KIAA0825: variants seen among roughly 807,000 people sequenced by gnomAD.
The protein encoded by KIAA0825 is uncharacterized protein KIAA0825.
A neutral mutation model predicts 147.6 loss-of-function variants in KIAA0825; 119 were observed. The observed-to-expected ratio is 0.81, with a 90% CI of 0.69 to 0.94. KIAA0825 has a LOEUF of 0.94. Among genes scored for constraint, KIAA0825 ranks in the 40% least tolerant of loss-of-function variants. KIAA0825 has a pLI of 0.00. For synonymous variants in KIAA0825, 470 were observed against 518.1 expected, an observed-to-expected ratio of 0.91 and a Z score of 1.26; for missense variants, 1,381 against 1,472.7, an observed-to-expected ratio of 0.94 and a Z score of 1.02.
intron 1 of KIAA0825, among the ~76,000 whole-genome samples, chr5:94,595,745 C>A (rs1021115364): frequency 6.6e-6 from 1 of 152,132 alleles, no homozygotes; most frequent in African/African-American, 2.4e-5. Context: ...AATTCCAAAC[C>A]ATCTTTCTGT....
At position 94,474,712 on chromosome 5, in the gene KIAA0825, G is replaced by A. The variant is rs951241257; in HGVS notation, c.1228-1193C>T. Among the ~76,000 whole-genome samples, 6 of 151,866 alleles carry A rather than the reference G, an allele frequency of 4.0e-5. No individual in the cohort carries two copies. The South Asian group carries it at 8.3e-4, about 21-fold the overall frequency. ...GAAACATGGCTCTTGCTCTCATTAC[G>A]CTCATAACTAAATTTTAACGGAACT... On this transcript the variant is annotated intron_variant, in intron 7 of 20. Transcript: ENST00000682413.
chr5:94,293,620 A>G (rs1450473287), intron 20 of KIAA0825, among the ~76,000 whole-genome samples: 2 of 152,162 alleles, frequency 1.3e-5, no homozygotes, highest in African/African-American at 2.4e-5. Flanking sequence ...GTAGATGTCT[A>G]TTAGGTCTGC....
chr5:94,466,582 C>T (rs1760535268), intron 10 of KIAA0825, among the ~76,000 whole-genome samples: 1 of 151,486 alleles, frequency 6.6e-6, no homozygotes, highest in African/African-American at 2.4e-5. Flanking sequence ...ACTAAAAATA[C>T]AAAAATTAGC....
chr5:94,265,624 C>A (rs554981587), intron 20 of KIAA0825, among the ~76,000 whole-genome samples: 1 of 152,200 alleles, frequency 6.6e-6, no homozygotes, highest in East Asian at 1.9e-4. Context: ...CATGGTGAAA[C>A]CCTGTCTCTA....
chr5:94,435,662 G>A (rs1451726355), intron 14 of KIAA0825, among the ~76,000 whole-genome samples: 1 of 152,080 alleles, frequency 6.6e-6, no homozygotes, highest in Non-Finnish European at 1.5e-5. Flanking sequence ...TGGGTCAAAT[G>A]GTATTTCTGT....
intron 20 of KIAA0825, among the ~76,000 whole-genome samples, chr5:94,350,847 A>G (rs1329250078): frequency 6.6e-6 from 1 of 151,712 alleles, no homozygotes; most frequent in East Asian, 1.9e-4. Flanking sequence ...AGTAGAAAGC[A>G]TTCCCTCTGA....
intron 3 of KIAA0825, among the ~76,000 whole-genome samples, chr5:94,536,558 A>C (rs1212811548): frequency 6.6e-6 from 1 of 152,250 alleles, no homozygotes; most frequent in African/African-American, 2.4e-5. Context: ...CTAATCTAGC[A>C]TAACAACTCT....
At chr5:94,500,326 A>G (rs2151112756) in intron 5 of KIAA0825, among the ~76,000 whole-genome samples, 1 of 152,376 alleles carries the variant, frequency 6.6e-6, no homozygotes, top group Non-Finnish European at 1.5e-5. Flanking sequence ...GTATTTTAAC[A>G]TTAAGTCCAA....
At chr5:94,403,867 G>T in intron 15 of KIAA0825, 74 bp from the exon 16 acceptor site, 1 of 1,255,838 alleles carries the variant, frequency 8.0e-7, no homozygotes, top group Non-Finnish European at 1.1e-6. Flanking sequence ...CTAGAATTCA[G>T]TTTTGTAATC....
intron 6 of KIAA0825, among the ~76,000 whole-genome samples, chr5:94,478,829 G>A (rs1373521400): frequency 2.0e-5 from 3 of 152,048 alleles, no homozygotes; most frequent in Admixed American, 2.0e-4. Context: ...ATGAAATGCA[G>A]AAACCATAAA....
intron 20 of KIAA0825, among the ~76,000 whole-genome samples, chr5:94,362,553 A>T (rs1366685704): frequency 4.8e-5 from 7 of 146,070 alleles, no homozygotes; most frequent in Non-Finnish European, 7.8e-5. Context: ...CCCCATCTCC[A>T]GATGTACGTT....
chr5:94,535,241 G>T (rs534879129), intron 3 of KIAA0825, among the ~76,000 whole-genome samples: 3 of 152,160 alleles, frequency 2.0e-5, no homozygotes, highest in East Asian at 1.9e-4. Flanking sequence ...CAAGCATGGT[G>T]GCTCACGCCT....
intron 1 of KIAA0825, among the ~76,000 whole-genome samples, chr5:94,601,641 A>G (rs1786475652): frequency 6.6e-6 from 1 of 152,206 alleles, no homozygotes; most frequent in South Asian, 2.1e-4. Flanking sequence ...CAAGAAAGCT[A>G]AAAATCACAA....
chr5:94,160,596 T>G (rs553866991), intron 20 of KIAA0825, among the ~76,000 whole-genome samples: 13 of 148,316 alleles, frequency 8.8e-5, no homozygotes, highest in Non-Finnish European at 1.6e-4. Flanking sequence ...ATATACTGTA[T>G]GTATGTATAT....
intron 3 of KIAA0825, among the ~76,000 whole-genome samples, chr5:94,525,580 A>G (rs1424877597): frequency 6.6e-6 from 1 of 151,930 alleles, no homozygotes; most frequent in Non-Finnish European, 1.5e-5. Context: ...AACTTATGTA[A>G]GCACTTCTAT....
intron 10 of KIAA0825, 122 bp downstream of exon 10, chr5:94,469,839 T>C: frequency 2.7e-6 from 2 of 754,018 alleles, no homozygotes; most frequent in Non-Finnish European, 3.9e-6. Context: ...ATTTTAAAAA[T>C]ATTATCCTAA....
In KIAA0825 at chr5:94,258,623, CATAAA is replaced by C. The variant is rs1203425989; in HGVS notation, c.3711-104504_3711-104500del. ...AGAAGTAAATGCAATTTTAGTGACA[CATAAA>C]ATAAATAACTCTACTAACAAATACT... On this transcript the variant is annotated intron_variant, in intron 20 of 20. Coordinates refer to ENST00000682413, the MANE Select transcript of KIAA0825 (RefSeq NM_001145678.3). 2.6e-5 allele frequency among the ~76,000 whole-genome samples: 4 copies of C among 151,904 alleles called. No individual in the cohort carries two copies. In the East Asian group the frequency reaches 5.8e-4, roughly 22 times the overall value.
intron 1 of KIAA0825, among the ~76,000 whole-genome samples, chr5:94,598,013 T>C (rs1381036765): frequency 1.3e-5 from 2 of 152,148 alleles, no homozygotes; most frequent in African/African-American, 4.8e-5. Flanking sequence ...CCTAGGACAT[T>C]ACTGAACACT....
intron 2 of KIAA0825, among the ~76,000 whole-genome samples, chr5:94,551,876 A>G (rs568669405): frequency 6.6e-6 from 1 of 152,222 alleles, no homozygotes; most frequent in Admixed American, 6.5e-5. Context: ...GGGAAAAAAT[A>G]TATACAAATA....
Sources: allele counts gnomAD v4.1 joint callset (sites outside exome capture counted in the v4.1 genomes callset), GRCh38; gene constraint gnomAD v4.1.1; transcripts MANE v1.5; gene names NCBI Gene and HGNC (gene_info 2026-07-23, HGNC 2026-07-21).